Variants in DCTN4 observed in about 807,000 individuals in gnomAD.
The protein encoded by DCTN4 is dynactin subunit 4, also known as dynactin 4 (p62).
A neutral mutation model predicts 62.7 loss-of-function variants in DCTN4; 23 were observed. The ratio of observed to expected loss-of-function variants is 0.37; its 90% CI spans 0.26 to 0.52. DCTN4 has a LOEUF of 0.52. Ranked by LOEUF, DCTN4 falls within the 20% of genes least tolerant of loss-of-function variation. The pLI, the probability that DCTN4 is intolerant of heterozygous loss-of-function variation, is 0.92. For missense variants in DCTN4, 514 were observed against 580.4 expected, an observed-to-expected ratio of 0.89 and a Z score of 1.18; for synonymous variants, 199 against 202.1, an observed-to-expected ratio of 0.98 and a Z score of 0.13.
At chr5:150,743,267 TG>T (rs1561705012) in intron 3 of DCTN4, 1 of 157,042 alleles carries the variant, frequency 6.4e-6, no homozygotes, top group Non-Finnish European at 1.4e-5. Context: ...GCAGTGAGGC[TG>T]GGGGAGGGGC....
intron 3 of DCTN4, among the ~76,000 whole-genome samples, chr5:150,748,710 T>G (rs1581600219): frequency 6.8e-6 from 1 of 146,102 alleles, no homozygotes; most frequent in African/African-American, 2.5e-5. Context: ...CACCGCATGT[T>G]CTCACTCATA....
intron 8 of DCTN4, among the ~76,000 whole-genome samples, chr5:150,727,636 C>T (rs1207954048): frequency 4.0e-5 from 6 of 151,586 alleles, no homozygotes; most frequent in East Asian, 1.9e-4. Context: ...ATTAGCCGGG[C>T]GTGGTGGCGG....
chr5:150,752,180 A>G lies in DCTN4; in HGVS notation c.385+1299T>C, dbSNP rs1752700673. ...TCAAGATTTTATTAATTTTTTTTAAACTTTGGATCACTTAAATCAAAAGCA... is the reference window on the plus strand; with the variant it reads ...TCAAGATTTTATTAATTTTTTTTAAGCTTTGGATCACTTAAATCAAAAGCA... On this transcript the variant is annotated intron_variant, in intron 3 of 12. Coordinates refer to ENST00000447998, the MANE Select transcript of DCTN4 (RefSeq NM_016221.4). 3.9e-5 allele frequency among the ~76,000 whole-genome samples: 6 copies of G among 152,310 alleles called. No individual in the cohort carries two copies. The South Asian group carries it at 1.2e-3, about 32-fold the overall frequency.
At position 150,753,635 on chromosome 5, in the gene DCTN4, G is replaced by C. The variant is rs1194103241; in HGVS notation, c.229C>G (p.Pro77Ala). Residue 77 changes from proline (P) to alanine (A), a missense_variant, in exon 3 of 13, where the codon CCT becomes GCT. By Grantham distance (27) the Pro-to-Ala change is conservative. Transcript: ENST00000447998. ...GTAGAGAGGGTGTGCATGCAGCCAG[G>C]ACAGTCAAAACAATTGGCACATCTG... ...KNRCANCFDC[P>A]GCMHTLSTRA... 2 of 1,613,164 alleles carry C rather than the reference G, an allele frequency of 1.2e-6. No individual in the cohort carries two copies. Among genetic ancestry groups the C allele is most frequent in the Admixed American group, 3.3e-5 (2 of 59,838 alleles).
chr5:150,712,228 C>A (rs1759595969), intron 12 of DCTN4, among the ~76,000 whole-genome samples: 1 of 151,998 alleles, frequency 6.6e-6, no homozygotes, highest in Non-Finnish European at 1.5e-5. Flanking sequence ...CTCCTGGGTT[C>A]CAGCGATTCT....
chr5:150,727,117 T>C (rs1262703028), intron 8 of DCTN4, among the ~76,000 whole-genome samples: 2 of 152,114 alleles, frequency 1.3e-5, no homozygotes, highest in Non-Finnish European at 2.9e-5. Context: ...ACTAAGTGAA[T>C]TGTACTGCAG....
chr5:150,718,622 C>G (rs1759855395), intron 10 of DCTN4, among the ~76,000 whole-genome samples: 2 of 151,910 alleles, frequency 1.3e-5, no homozygotes, highest in Admixed American at 6.6e-5. Flanking sequence ...ACTGAAAGGG[C>G]CAGTTACTAG....
Position 150,752,817 on chromosome 5 carries a change from C to T in DCTN4, c.385+662G>A, listed in dbSNP as rs1027337795. On this transcript the variant is annotated intron_variant, in intron 3 of 12. Coordinates refer to ENST00000447998, the MANE Select transcript of DCTN4 (RefSeq NM_016221.4). ...TCATTTCTGAGTATTCATCTTTAGC[C>T]TGTTATATAAGACCCAACTATTTTT... 2.6e-5 allele frequency among the ~76,000 whole-genome samples: 4 copies of T among 151,920 alleles called. No individual in the cohort carries two copies. In the East Asian group the frequency reaches 7.7e-4, roughly 29 times the overall value.
intron 12 of DCTN4, among the ~76,000 whole-genome samples, chr5:150,712,206 C>T (rs540730635): frequency 2.0e-4 from 30 of 150,944 alleles, no homozygotes; most frequent in South Asian, 1.1e-3. Context: ...CTTGGCTCAC[C>T]GCAACCTCCG....
intron 12 of DCTN4, among the ~76,000 whole-genome samples, chr5:150,712,128 A>G (rs1759590718): frequency 6.6e-6 from 1 of 151,816 alleles, no homozygotes; most frequent in African/African-American, 2.4e-5. Context: ...GTGGAAAGTT[A>G]TTTATTTATT....
rs1197555751 is a variant in DCTN4, at chr5:150,710,512, G to A, written c.*637C>T. 6.5e-6 allele frequency: 1 copy of A among 152,916 alleles called. No individual in the cohort carries two copies. The highest frequency in any genetic ancestry group is 1.5e-5 in the Non-Finnish European group (1 of 68,480). The allele number at this position is 152,916 out of a possible 1,614,324, so 9.5% of individuals were successfully genotyped here. A position where few individuals can be genotyped will look rare whatever the true frequency, so the allele number is the denominator to read the frequency against. On this transcript the variant is annotated 3_prime_UTR_variant, in exon 13 of 13. Transcript: ENST00000447998. Reference sequence around the variant, plus strand: ...ATTAAGAACAACTAATACGTGTCCTGTATTCACTTAGAAAAAGAGGGCAAA... The same window carrying A: ...ATTAAGAACAACTAATACGTGTCCTATATTCACTTAGAAAAAGAGGGCAAA...
chr5:150,754,788 A>G (rs999184374), intron 2 of DCTN4, among the ~76,000 whole-genome samples: 3 of 152,164 alleles, frequency 2.0e-5, no homozygotes, highest in Admixed American at 1.3e-4. Flanking sequence ...ACATGGCAAA[A>G]GCCTATCTCT....
chr5:150,741,642 A>G (rs1367007401), intron 4 of DCTN4, among the ~76,000 whole-genome samples: 3 of 151,920 alleles, frequency 2.0e-5, no homozygotes, highest in Non-Finnish European at 2.9e-5. Context: ...CACCACACTC[A>G]GCTGAATTTT....
intron 4 of DCTN4, 139 bp from the exon 5 acceptor site, chr5:150,733,614 A>G: frequency 1.8e-6 from 1 of 553,916 alleles, no homozygotes; most frequent in Non-Finnish European, 3.1e-6. Context: ...TTCTTCTAAG[A>G]TAATTTTTCT....
In DCTN4 at chr5:150,711,283, C is replaced by A; in HGVS notation, c.1249G>T (p.Val417Leu). ...AAATCATGCTTCATCTTGAAGCACA[C>A]GGTCACTTCACCCTCCTCACGCTGT... is the stretch of plus-strand genomic sequence containing the variant. Reference protein sequence around the residue: ...TPQREEGEVTVCFKMKHDFKN... With the variant: ...TPQREEGEVTLCFKMKHDFKN... The change falls in exon 13 of 13, where the codon GTG (valine) becomes TTG (leucine). Residue 417 changes from valine (V) to leucine (L), a missense_variant. Val to Leu is a conservative substitution (Grantham distance 32). Coordinates refer to ENST00000447998, the MANE Select transcript of DCTN4 (RefSeq NM_016221.4). 1.2e-6 allele frequency: 2 copies of A among 1,613,440 alleles called. No individual in the cohort carries two copies. The highest frequency in any genetic ancestry group is 1.8e-4 in the Middle Eastern group (1 of 5,598).
chr5:150,756,639 G>GTTT lies in DCTN4; in HGVS notation c.136-155_136-153dup, dbSNP rs35101821. ...AGGGTTTATTCTTCTTCAGTCACCT[G>GTTT]TTTTTTTTTTTTCTTCTTCTTCCGG... On this transcript the variant is annotated intron_variant, in intron 1 of 12. Coordinates refer to ENST00000447998, the MANE Select transcript of DCTN4 (RefSeq NM_016221.4). 2,621 of 290,654 alleles carry GTTT rather than the reference G, an allele frequency of 9.0e-3. 10 individuals carry two copies. The highest frequency in any genetic ancestry group is 0.023 in the African/African-American group (1,022 of 44,402). The allele number at this position is 290,654 out of a possible 1,614,324, so 18.0% of individuals were successfully genotyped here.
chr5:150,731,907 C>T, intron 5 of DCTN4: 1 of 1,551,640 alleles, frequency 6.4e-7, no homozygotes, highest in Non-Finnish European at 8.7e-7. Flanking sequence ...TAGTATGTTG[C>T]TGTAGAGCCC....
chr5:150,722,059 C>T (rs1759972188), intron 9 of DCTN4, among the ~76,000 whole-genome samples: 3 of 152,194 alleles, frequency 2.0e-5, no homozygotes, highest in African/African-American at 7.2e-5. Flanking sequence ...CTCATGGGCT[C>T]AAGTGATCCT....
rs369647510 is a variant in DCTN4, at chr5:150,741,629, C to T, written c.429+485G>A. On this transcript the variant is annotated intron_variant, in intron 4 of 12. Transcript: ENST00000447998. ...CTGAGTTGCTGGGACTATAGGCATG[C>T]GCCACCACACTCAGCTGAATTTTTA... is the stretch of plus-strand genomic sequence containing the variant. Among the ~76,000 whole-genome samples, 31 of 152,110 alleles carry T rather than the reference C, an allele frequency of 2.0e-4. No individual in the cohort carries two copies. The East Asian group carries it at 2.1e-3, about 10-fold the overall frequency.
Sources: allele counts gnomAD v4.1 joint callset (sites outside exome capture counted in the v4.1 genomes callset), GRCh38; gene constraint gnomAD v4.1.1; transcripts MANE v1.5; gene names NCBI Gene and HGNC (gene_info 2026-07-23, HGNC 2026-07-21).